Variants in SHLD1 observed in about 807,000 individuals in gnomAD.
The protein encoded by SHLD1 is RINN1-REV7-interacting novel NHEJ regulator 3.
A neutral mutation model predicts 5.5 loss-of-function variants in SHLD1; 3 were observed. The observed-to-expected ratio is 0.54, with a 90% CI of 0.25 to 1.40. The LOEUF (loss-of-function observed/expected upper bound fraction) is 1.40. Among genes scored for constraint, SHLD1 ranks in the 40% most tolerant of loss-of-function variants. The pLI, the probability that SHLD1 is intolerant of heterozygous loss-of-function variation, is 0.15. For synonymous variants in SHLD1, 92 were observed against 94.3 expected (o/e 0.98, Z 0.14); for missense variants, 210 against 244.4 (o/e 0.86, Z 0.94).
chr20:5,817,486 C>T (rs935425885), intron 2 of SHLD1, among the ~76,000 whole-genome samples: 2 of 142,300 alleles, frequency 1.4e-5, no homozygotes, highest in African/African-American at 2.7e-5. Flanking sequence ...GGATTACAGG[C>T]GTGAGCCACT....
At chr20:5,780,556 G>C (rs1017786461) in intron 2 of SHLD1, among the ~76,000 whole-genome samples, 2 of 152,084 alleles carry the variant, frequency 1.3e-5, no homozygotes, top group Non-Finnish European at 2.9e-5. Flanking sequence ...GCCAAGGAAG[G>C]GTGACCTTAG....
At chr20:5,847,822 A>G (rs755781817) in intron 2 of SHLD1, among the ~76,000 whole-genome samples, 2 of 152,188 alleles carry the variant, frequency 1.3e-5, no homozygotes, top group Admixed American at 6.5e-5. Context: ...TTGGAGAGCA[A>G]TTTGGCAGGA....
chr20:5,784,696 C>T (rs980510064), intron 2 of SHLD1, among the ~76,000 whole-genome samples: 23 of 152,164 alleles, frequency 1.5e-4, no homozygotes, highest in South Asian at 1.0e-3. Flanking sequence ...GTGATCCGCC[C>T]GCCTCAGCCT....
chr20:5,778,148 G>A (rs1312424111), intron 2 of SHLD1, among the ~76,000 whole-genome samples: 8 of 129,192 alleles, frequency 6.2e-5, no homozygotes, highest in Middle Eastern at 5.5e-3. Flanking sequence ...ACAGAGTCTC[G>A]TTCTGTCGCC....
At chr20:5,785,078 A>C (rs6053683) in intron 2 of SHLD1, among the ~76,000 whole-genome samples, 2,669 of 152,302 alleles carry the variant, frequency 0.018, 75 homozygotes, top group African/African-American at 0.06. Flanking sequence ...TCTTCTTAAA[A>C]TACAAGGAAA....
rs1028892312 is a variant in SHLD1, at chr20:5,864,180, G to A, written c.*717G>A. On this transcript the variant is annotated 3_prime_UTR_variant, in exon 3 of 3. Transcript: ENST00000303142. ...CCATGTTTTATCATACTAACTGGGTGTGGAAGGAACATTTGGACAATCTAA... is the reference window on the plus strand; with the variant it reads ...CCATGTTTTATCATACTAACTGGGTATGGAAGGAACATTTGGACAATCTAA... Among the ~76,000 whole-genome samples the A allele has an allele frequency of 1.3e-5, 2 of 152,194 alleles. No individual in the cohort carries two copies. Among genetic ancestry groups the A allele is most frequent in the Non-Finnish European group, 2.9e-5 (2 of 68,034 alleles).
At chr20:5,842,412 C>A (rs2087875274) in intron 2 of SHLD1, among the ~76,000 whole-genome samples, 1 of 152,174 alleles carries the variant, frequency 6.6e-6, no homozygotes. Flanking sequence ...GATGTCTTAA[C>A]TCCTTCACCA....
At chr20:5,761,349 C>A (rs998211025) in intron 1 of SHLD1, among the ~76,000 whole-genome samples, 27 of 151,578 alleles carry the variant, frequency 1.8e-4, no homozygotes, top group Admixed American at 6.6e-5. Flanking sequence ...GTGCAGTAAA[C>A]CACCATGGCA....
intron 2 of SHLD1, among the ~76,000 whole-genome samples, chr20:5,822,883 A>G (rs2087622513): frequency 6.6e-6 from 1 of 151,474 alleles, no homozygotes; most frequent in Non-Finnish European, 1.5e-5. Flanking sequence ...GTTCCTTTTT[A>G]TAGCAGAAGG....
In SHLD1 at chr20:5,767,119, C is replaced by T. The variant is rs556577391; in HGVS notation, c.-4-5743C>T. On this transcript the variant is annotated intron_variant, in intron 1 of 2. Coordinates refer to ENST00000303142, the MANE Select transcript of SHLD1 (RefSeq NM_152504.4). ...CTCCTCTTTAACACATTTCTCCATT[C>T]ACATTTTCTTTTCTTTTCTTTTCTT... Among the ~76,000 whole-genome samples, 1,154 of 123,564 alleles carry T rather than the reference C, an allele frequency of 9.3e-3. 12 individuals are homozygous for T. The highest frequency in any genetic ancestry group is 0.053 in the Middle Eastern group (13 of 244). 81.1% of individuals were successfully genotyped at this position (123,564 alleles called of 152,430 possible). A position where few individuals can be genotyped will look rare whatever the true frequency, so the allele number is the denominator to read the frequency against.
intron 2 of SHLD1, among the ~76,000 whole-genome samples, chr20:5,788,433 T>C (rs2087092124): frequency 6.6e-6 from 1 of 152,212 alleles, no homozygotes; most frequent in African/African-American, 2.4e-5. Context: ...ATGGTTAAAA[T>C]AATATTGCAT....
intron 2 of SHLD1, among the ~76,000 whole-genome samples, chr20:5,850,313 C>T (rs1025449127): frequency 3.3e-5 from 5 of 151,654 alleles, no homozygotes; most frequent in Non-Finnish European, 5.9e-5. Context: ...CTAGCCCCCA[C>T]GCCCTCCAGA....
At chr20:5,783,869 C>G (rs753708362) in intron 2 of SHLD1, among the ~76,000 whole-genome samples, 1 of 151,822 alleles carries the variant, frequency 6.6e-6, no homozygotes. Context: ...AACCACTAAG[C>G]GGCCGGGTGC....
intron 2 of SHLD1, among the ~76,000 whole-genome samples, chr20:5,862,399 C>G: frequency 6.6e-6 from 1 of 152,216 alleles, no homozygotes; most frequent in East Asian, 1.9e-4. Context: ...ACCCAGACAT[C>G]CCGGAGAGAA....
intron 1 of SHLD1, among the ~76,000 whole-genome samples, chr20:5,751,306 G>T (rs1568483190): frequency 1.3e-5 from 2 of 151,460 alleles, no homozygotes; most frequent in South Asian, 2.1e-4. Flanking sequence ...CATGACTTTT[G>T]TTCTTTTTTT....
chr20:5,786,700 A>G (rs1268443183), intron 2 of SHLD1, among the ~76,000 whole-genome samples: 2 of 152,218 alleles, frequency 1.3e-5, no homozygotes, highest in African/African-American at 4.8e-5. Flanking sequence ...CTGCTCAGAG[A>G]GGCCAAGAAG....
chr20:5,795,601 C>CAA (rs56723415), intron 2 of SHLD1, among the ~76,000 whole-genome samples: 169 of 66,854 alleles, frequency 2.5e-3, no homozygotes, highest in African/African-American at 5.9e-3. Flanking sequence ...TCTGGTCTCG[C>CAA]AAAAAAAAAA....
chr20:5,765,972 A>G (rs1163071080), intron 1 of SHLD1, among the ~76,000 whole-genome samples: 1 of 151,846 alleles, frequency 6.6e-6, no homozygotes, highest in Non-Finnish European at 1.5e-5. Context: ...TTTGGCATTT[A>G]AGTGATTCTG....
chr20:5,781,581 G>A (rs1244109100), intron 2 of SHLD1, among the ~76,000 whole-genome samples: 3 of 152,186 alleles, frequency 2.0e-5, no homozygotes, highest in South Asian at 2.1e-4. Context: ...GGGTTCAAGC[G>A]ATTCTCCTGC....
Sources: gnomAD v4.1 joint callset for allele counts (sites outside exome capture counted in the v4.1 genomes callset) on GRCh38, gnomAD v4.1.1 for gene constraint, MANE v1.5 for transcripts, NCBI Gene and HGNC (gene_info 2026-07-23, HGNC 2026-07-21) for gene names.